The following CAMTA1 variants were observed in gnomAD, a reference collection of about 807,000 sequenced individuals.
CAMTA1 encodes the protein calmodulin binding transcription activator 1, also known as calmodulin-binding transcription activator 1.
A neutral mutation model predicts 170.9 loss-of-function variants in CAMTA1; 27 were observed. That is an observed-to-expected ratio of 0.16 (90% CI 0.12 to 0.22). The LOEUF (loss-of-function observed/expected upper bound fraction) is 0.22, where lower values mean the gene tolerates loss of function less well. CAMTA1 is among the 10% of genes least tolerant of loss of function. CAMTA1 has a pLI of 1.00. For missense variants in CAMTA1, 1,619 were observed against 2,217.2 expected (o/e 0.73, Z 5.42); for synonymous variants, 833 against 891.5 (o/e 0.93, Z 1.17).
chr1:7,460,568 A>G (rs2093059799), intron 5 of CAMTA1, among the ~76,000 whole-genome samples: 1 of 147,274 alleles, frequency 6.8e-6, no homozygotes, highest in South Asian at 2.2e-4. Flanking sequence ...CTGGTCCAGG[A>G]TGCCCCGTTC....
At chr1:6,967,980 A>G (rs1691852138) in intron 3 of CAMTA1, among the ~76,000 whole-genome samples, 1 of 152,242 alleles carries the variant, frequency 6.6e-6, no homozygotes, top group Non-Finnish European at 1.5e-5. Context: ...TAATAACCAG[A>G]GGGCACATTA....
At chr1:7,390,107 G>C (rs2088525484) in intron 5 of CAMTA1, among the ~76,000 whole-genome samples, 1 of 152,196 alleles carries the variant, frequency 6.6e-6, no homozygotes, top group East Asian at 1.9e-4. Context: ...CCGGGCGACG[G>C]CGCAGGGCTG....
intron 4 of CAMTA1, among the ~76,000 whole-genome samples, chr1:7,167,403 G>A (rs1008533835): frequency 5.9e-5 from 9 of 152,120 alleles, no homozygotes; most frequent in African/African-American, 1.9e-4. Flanking sequence ...CTGCCTGTGC[G>A]TAGATCTGTT....
chr1:7,755,326 CAAAAAA>C (rs70987373), intron 21 of CAMTA1, among the ~76,000 whole-genome samples: 25 of 61,962 alleles, frequency 4.0e-4, no homozygotes, highest in African/African-American at 1.1e-3. Flanking sequence ...GACTCCGTCT[CAAAAAA>C]AAAAAAAAAA....
At chr1:7,179,551 A>T (rs1004685385) in intron 4 of CAMTA1, among the ~76,000 whole-genome samples, 3 of 152,240 alleles carry the variant, frequency 2.0e-5, no homozygotes, top group Admixed American at 6.5e-5. Flanking sequence ...TATTATAAAC[A>T]ATACTTTCTA....
chr1:7,037,920 T>TA (rs1030274822), intron 3 of CAMTA1, among the ~76,000 whole-genome samples: 75 of 151,216 alleles, frequency 5.0e-4, no homozygotes, highest in East Asian at 9.7e-4. Flanking sequence ...GATCTTTATT[T>TA]TTTTTTTTTT....
intron 4 of CAMTA1, among the ~76,000 whole-genome samples, chr1:7,098,677 A>C (rs960711946): frequency 6.6e-6 from 1 of 152,164 alleles, no homozygotes; most frequent in Non-Finnish European, 1.5e-5. Flanking sequence ...CACATGTCAA[A>C]GCAGGGGCAA....
At chr1:6,915,372 C>T (rs1316173471) in intron 3 of CAMTA1, among the ~76,000 whole-genome samples, 2 of 152,136 alleles carry the variant, frequency 1.3e-5, no homozygotes, top group African/African-American at 4.8e-5. Flanking sequence ...CATAAGTACC[C>T]TGGATTTCTG....
intron 4 of CAMTA1, among the ~76,000 whole-genome samples, chr1:7,127,862 A>G (rs1222433988): frequency 6.6e-6 from 1 of 152,158 alleles, no homozygotes; most frequent in Non-Finnish European, 1.5e-5. Context: ...GGCCTCTTGC[A>G]ACTTTGGCTC....
intron 3 of CAMTA1, among the ~76,000 whole-genome samples, chr1:6,898,600 C>G (rs1676170946): frequency 6.6e-6 from 1 of 152,130 alleles, no homozygotes; most frequent in African/African-American, 2.4e-5. Context: ...TGTCTCCAGG[C>G]AGATAAGTTA....
intron 1 of CAMTA1, among the ~76,000 whole-genome samples, chr1:6,799,931 A>T (rs1391415312): frequency 6.6e-6 from 1 of 152,172 alleles, no homozygotes; most frequent in Non-Finnish European, 1.5e-5. Context: ...CTTTCCTGAT[A>T]TTCAGCTATT....
At chr1:7,314,984 C>T (rs1329195559) in intron 5 of CAMTA1, among the ~76,000 whole-genome samples, 2 of 152,146 alleles carry the variant, frequency 1.3e-5, no homozygotes, top group African/African-American at 4.8e-5. Flanking sequence ...GAGACATTGA[C>T]AAGAAGAATG....
chr1:6,926,577 T>C (rs1683303326), intron 3 of CAMTA1, among the ~76,000 whole-genome samples: 2 of 130,202 alleles, frequency 1.5e-5, no homozygotes, highest in African/African-American at 2.9e-5. Flanking sequence ...TCTCTCTCCT[T>C]CTCTCTCTCC....
intron 5 of CAMTA1, among the ~76,000 whole-genome samples, chr1:7,425,519 C>G (rs1403935042): frequency 6.6e-6 from 1 of 152,036 alleles, no homozygotes; most frequent in African/African-American, 2.4e-5. Flanking sequence ...AGAGCAGCCT[C>G]CATGGCAGAT....
intron 4 of CAMTA1, among the ~76,000 whole-genome samples, chr1:7,124,904 G>A (rs1329307224): frequency 6.6e-6 from 1 of 152,316 alleles, no homozygotes; most frequent in South Asian, 2.1e-4. Flanking sequence ...GCCTAGAGAA[G>A]TGGGAGTCAG....
intron 3 of CAMTA1, among the ~76,000 whole-genome samples, chr1:6,948,867 A>G (rs747404872): frequency 9.2e-5 from 14 of 152,220 alleles, no homozygotes; most frequent in Admixed American, 3.3e-4. Context: ...GAAGAAATTT[A>G]TTAAAGGGAA....
chr1:6,877,177 A>G lies in CAMTA1; in HGVS notation c.234+51967A>G, dbSNP rs114100562. Among the ~76,000 whole-genome samples, 746 of 152,350 alleles carry G rather than the reference A, an allele frequency of 4.9e-3. 5 individuals carry two copies. The highest frequency in any genetic ancestry group is 0.017 in the African/African-American group (693 of 41,576). On this transcript the variant is annotated intron_variant, in intron 3 of 22. Transcript: ENST00000303635. ...TCTAGACATGTTGGAGAAACAGTCA[A>G]AGTAATCATCCTTCTGCGCTCCCCC...
intron 3 of CAMTA1, among the ~76,000 whole-genome samples, chr1:7,008,886 A>T (rs1052596506): frequency 3.9e-5 from 6 of 152,248 alleles, no homozygotes; most frequent in Admixed American, 1.3e-4. Context: ...CTAAGGATAA[A>T]TGTTATGGTT....
chr1:7,284,778 T>G (rs1672120958), intron 5 of CAMTA1, among the ~76,000 whole-genome samples: 1 of 152,206 alleles, frequency 6.6e-6, no homozygotes, highest in Non-Finnish European at 1.5e-5. Flanking sequence ...TTTCCTCGCT[T>G]TACCTCCTTC....
Sources: gnomAD v4.1 joint callset for allele counts (sites outside exome capture counted in the v4.1 genomes callset) on GRCh38, gnomAD v4.1.1 for gene constraint, MANE v1.5 for transcripts, NCBI Gene and HGNC (gene_info 2026-07-23, HGNC 2026-07-21) for gene names.